Variants in PDZRN3 observed in about 807,000 individuals in gnomAD.
PDZRN3 encodes the protein E3 ubiquitin-protein ligase PDZRN3.
PDZRN3 carries 38 observed loss-of-function variants against 85.7 expected under a neutral mutation model. The observed-to-expected ratio is 0.44, with a 90% CI of 0.34 to 0.58. PDZRN3 has a LOEUF of 0.58. Ranked by LOEUF, PDZRN3 falls within the 20% of genes least tolerant of loss-of-function variation. The pLI is 0.01. For missense variants in PDZRN3, 1,629 were observed against 1,506.4 expected (o/e 1.08, Z -1.35); for synonymous variants, 759 against 638.0 (o/e 1.19, Z -2.86).
chr3:73,551,988 C>T (rs1701570794), intron 3 of PDZRN3, among the ~76,000 whole-genome samples: 1 of 152,192 alleles, frequency 6.6e-6, no homozygotes, highest in African/African-American at 2.4e-5. Flanking sequence ...AATACCCATG[C>T]CTGTCCAAGT....
chr3:73,548,558 G>C (rs1701482457), intron 3 of PDZRN3, among the ~76,000 whole-genome samples: 1 of 152,202 alleles, frequency 6.6e-6, no homozygotes. Flanking sequence ...GGGCTGGAGA[G>C]GGAGTGGGCA....
chr3:73,574,192 A>C (rs1210927739), intron 3 of PDZRN3, among the ~76,000 whole-genome samples: 1 of 152,224 alleles, frequency 6.6e-6, no homozygotes, highest in Non-Finnish European at 1.5e-5. Flanking sequence ...AAAAAATGTC[A>C]AACATCAATT....
At chr3:73,583,720 T>C (rs1254621862) in intron 3 of PDZRN3, among the ~76,000 whole-genome samples, 3 of 152,138 alleles carry the variant, frequency 2.0e-5, no homozygotes, top group African/African-American at 4.8e-5. Flanking sequence ...TCTGTCACTG[T>C]AGGAGTCCAC....
chr3:73,437,799 C>T (rs35306414), intron 3 of PDZRN3, among the ~76,000 whole-genome samples: 2,056 of 152,178 alleles, frequency 0.014, 41 homozygotes, highest in African/African-American at 0.044. Context: ...CAAAATGTTG[C>T]TTTCCTATAG....
intron 3 of PDZRN3, among the ~76,000 whole-genome samples, chr3:73,577,930 T>C (rs1234854934): frequency 2.0e-5 from 3 of 152,254 alleles, no homozygotes; most frequent in African/African-American, 7.2e-5. Context: ...GTACTGTCCA[T>C]GGTTGCTTTC....
At chr3:73,522,841 C>T (rs1704403357) in intron 3 of PDZRN3, among the ~76,000 whole-genome samples, 1 of 152,120 alleles carries the variant, frequency 6.6e-6, no homozygotes, top group African/African-American at 2.4e-5. Context: ...TATCAGTCTG[C>T]AGTTTTTATA....
At chr3:73,566,142 T>G (rs938389954) in intron 3 of PDZRN3, among the ~76,000 whole-genome samples, 2 of 152,222 alleles carry the variant, frequency 1.3e-5, no homozygotes, top group African/African-American at 2.4e-5. Context: ...TTTTAAATTT[T>G]TGTTGTAAGA....
At chr3:73,622,808 T>C in intron 1 of PDZRN3, among the ~76,000 whole-genome samples, 1 of 152,184 alleles carries the variant, frequency 6.6e-6, no homozygotes, top group Non-Finnish European at 1.5e-5. Flanking sequence ...AAGGACAACA[T>C]AGGTAATGCA....
At chr3:73,502,832 C>T (rs1236207528) in intron 3 of PDZRN3, among the ~76,000 whole-genome samples, 1 of 152,196 alleles carries the variant, frequency 6.6e-6, no homozygotes, top group African/African-American at 2.4e-5. Flanking sequence ...CAGCCCTCCT[C>T]TCTCAGTTGA....
intron 3 of PDZRN3, among the ~76,000 whole-genome samples, chr3:73,485,607 C>T (rs1575684593): frequency 2.0e-5 from 3 of 152,292 alleles, no homozygotes. Flanking sequence ...GTATTTTAAT[C>T]TTCCAACAAC....
intron 3 of PDZRN3, among the ~76,000 whole-genome samples, chr3:73,530,297 T>C (rs1338001156): frequency 6.6e-6 from 1 of 152,172 alleles, no homozygotes; most frequent in Non-Finnish European, 1.5e-5. Flanking sequence ...CTTAACACTC[T>C]TGCAATAAAA....
intron 3 of PDZRN3, among the ~76,000 whole-genome samples, chr3:73,565,315 A>ACTCCT: frequency 6.6e-6 from 1 of 151,992 alleles, no homozygotes; most frequent in South Asian, 2.1e-4. Context: ...TTTTTGGTAG[A>ACTCCT]GACGGGGTTT....
intron 3 of PDZRN3, among the ~76,000 whole-genome samples, chr3:73,537,260 CA>C (rs1399125019): frequency 1.3e-5 from 2 of 152,176 alleles, no homozygotes; most frequent in East Asian, 3.9e-4. Flanking sequence ...GGTGGGGCCA[CA>C]GATGGAGAAG....
chr3:73,621,225 G>A (rs1338160802), intron 1 of PDZRN3, among the ~76,000 whole-genome samples: 1 of 152,160 alleles, frequency 6.6e-6, no homozygotes, highest in Non-Finnish European at 1.5e-5. Flanking sequence ...GTCTATGCTG[G>A]TACAGCACTA....
At chr3:73,574,590 C>G (rs1241677943) in intron 3 of PDZRN3, among the ~76,000 whole-genome samples, 1 of 152,120 alleles carries the variant, frequency 6.6e-6, no homozygotes, top group Non-Finnish European at 1.5e-5. Context: ...TCCCAAGTAG[C>G]TGGGATTACA....
intron 3 of PDZRN3, among the ~76,000 whole-genome samples, chr3:73,595,641 A>C (rs1312646293): frequency 6.6e-6 from 1 of 152,208 alleles, no homozygotes; most frequent in East Asian, 1.9e-4. Flanking sequence ...AATTTTCACC[A>C]ATAATTTTTT....
rs529324352 is a variant in PDZRN3 at position 73,455,609 on chromosome 3, T to A, written c.919-51214A>T. ...AATTTTTTCTCACTTGCAAAACAGA[T>A]ATTATAATAAATCTTGTTCAAAAGA... On this transcript the variant is annotated intron_variant, in intron 3 of 9. Coordinates refer to ENST00000263666, the MANE Select transcript of PDZRN3 (RefSeq NM_015009.3). 1.6e-4 allele frequency among the ~76,000 whole-genome samples: 25 copies of A among 152,344 alleles called. 2 individuals are homozygous for A. In the South Asian group the frequency reaches 5.2e-3, roughly 32 times the overall value.
intron 3 of PDZRN3, among the ~76,000 whole-genome samples, chr3:73,517,406 C>A (rs1030956267): frequency 2.6e-5 from 4 of 152,154 alleles, no homozygotes; most frequent in Non-Finnish European, 5.9e-5. Flanking sequence ...GAGCTCTCAA[C>A]AAAACATTGC....
chr3:73,412,222 C>T (rs951844220), intron 3 of PDZRN3, among the ~76,000 whole-genome samples: 9 of 152,174 alleles, frequency 5.9e-5, no homozygotes, highest in African/African-American at 1.9e-4. Flanking sequence ...AAGCGTCATG[C>T]CCGAAGCCTT....
Sources: gnomAD v4.1 joint callset for allele counts (sites outside exome capture counted in the v4.1 genomes callset) on GRCh38, gnomAD v4.1.1 for gene constraint, MANE v1.5 for transcripts, NCBI Gene and HGNC (gene_info 2026-07-23, HGNC 2026-07-21) for gene names.